The following USP11 variants were observed in gnomAD, a reference collection of about 807,000 sequenced individuals.
USP11 encodes the protein ubiquitin specific peptidase 11.
Under a neutral mutation model 72.8 loss-of-function variants are expected in USP11, and 5 were observed. The observed-to-expected ratio is 0.07, with a 90% confidence interval of 0.04 to 0.14. The LOEUF is 0.14. USP11 is among the 10% of genes least tolerant of loss of function. The pLI is 1.00. For missense variants in USP11, 480 were observed against 794.7 expected, an observed-to-expected ratio of 0.60 and a Z score of 4.76; for synonymous variants, 368 against 326.5, an observed-to-expected ratio of 1.13 and a Z score of -1.37.
Position 47,248,195 on chromosome X carries a change from T to G in USP11, c.*265T>G. The G allele has an allele frequency of 2.8e-6, 1 of 362,979 alleles. No individual in the cohort carries two copies. The highest frequency in any genetic ancestry group is 5.1e-5 in the East Asian group (1 of 19,661). The allele number at this position is 362,979 out of a possible 1,213,427, so 29.9% of individuals were successfully genotyped here. Reference sequence around the variant, plus strand: ...CTAGTCTTTATTTATGGTCGTGCCCTTCCCTCTCCTCAGCCCAGAGTGTTC... The same window carrying G: ...CTAGTCTTTATTTATGGTCGTGCCCGTCCCTCTCCTCAGCCCAGAGTGTTC... On this transcript the variant is annotated 3_prime_UTR_variant, in exon 21 of 21. Coordinates refer to ENST00000377107, the MANE Select transcript of USP11 (RefSeq NM_001371072.1).
rs2055408707 is a variant in USP11 at position 47,242,495 on chromosome X, C to T, written c.1461C>T (p.Ser487=). The change falls in exon 11 of 21, where the codon TCC becomes TCT. Residue 487 remains serine (S), a synonymous_variant. Coordinates refer to ENST00000377107, the MANE Select transcript of USP11 (RefSeq NM_001371072.1). ...TCTCGGATCTATGTGTGGCTCTGTCCAAACACACGGGCATCTCGCCAGAGA... is the reference window on the plus strand; with the variant it reads ...TCTCGGATCTATGTGTGGCTCTGTCTAAACACACGGGCATCTCGCCAGAGA... The part of the protein sequence containing the change: ...GKISDLCVAL[S]KHTGISPERM... 2 of 1,211,941 alleles carry T rather than the reference C, an allele frequency of 1.7e-6. No homozygotes were observed. Among genetic ancestry groups the T allele is most frequent in the South Asian group, 1.8e-5 (1 of 57,012 alleles).
chrX:47,239,484 A>AT lies in USP11; in HGVS notation c.417+4dup. 1 of 1,211,227 alleles carries AT rather than the reference A, an allele frequency of 8.3e-7. No homozygotes were observed. Among genetic ancestry groups the AT allele is most frequent in the Non-Finnish European group, 1.1e-6 (1 of 895,450 alleles). The stretch of plus-strand genomic sequence containing the variant: ...GCCAGCCACCCATTGAACGCAAGGT[A>AT]TAATGGATGGGGAGGGTGCATGGCG... On this transcript the variant is annotated splice_donor_region_variant and intron_variant, in intron 3 of 20. Transcript: ENST00000377107.
intron 12 of USP11, 41 bp from the exon 13 acceptor site, chrX:47,243,354 TG>T: frequency 8.3e-7 from 1 of 1,199,764 alleles, no homozygotes; most frequent in Non-Finnish European, 1.1e-6. Context: ...AGGGAGTCTC[TG>T]GGGGCCCTGA....
At position 47,242,108 on chromosome X, in the gene USP11, C is replaced by T. The variant is rs759579640; in HGVS notation, c.1206C>T (p.Asn402=). ...AGGTGGCACAGGAGGCATGGCAAAA[C>T]CACAAACGGCGGAACGATTCTGTGA... ...DQEVAQEAWQ[N]HKRRNDSVIV... The change falls in exon 10 of 21, where the codon AAC becomes AAT. Residue 402 remains asparagine (N), a synonymous_variant. Coordinates refer to ENST00000377107, the MANE Select transcript of USP11 (RefSeq NM_001371072.1). 26 of 1,209,237 alleles carry T rather than the reference C, an allele frequency of 2.2e-5. No homozygotes were observed. In the Admixed American group the frequency reaches 4.6e-4, roughly 21 times the overall value.
rs185214157 is a variant in USP11, at chrX:47,245,756, C to G, written c.2270+274C>G. Among the ~76,000 whole-genome samples the G allele has an allele frequency of 7.1e-3, 793 of 111,014 alleles. 3 individuals carry two copies. The highest frequency in any genetic ancestry group is 0.01 in the Admixed American group (110 of 10,495). ...AACAGGTTTTGCCACGTTGGCCAGG[C>G]TGGTCTCGAACTCCTGACTAAAGAT... is the stretch of plus-strand genomic sequence containing the variant. On this transcript the variant is annotated intron_variant, in intron 17 of 20. Transcript: ENST00000377107.
chrX:47,237,788 G>GTA (rs2055380687), intron 1 of USP11, among the ~76,000 whole-genome samples: 1 of 22,382 alleles, frequency 4.5e-5, no homozygotes, highest in South Asian at 9.2e-4. Context: ...GTGTGTGTAT[G>GTA]TGTGTGTGTG....
intron 1 of USP11, among the ~76,000 whole-genome samples, chrX:47,236,790 A>G (rs1033618944): frequency 8.9e-6 from 1 of 112,224 alleles, no homozygotes; most frequent in African/African-American, 3.2e-5. Flanking sequence ...AGAAAATTAA[A>G]ATTTATGATA....
chrX:47,245,008 AC>A lies in USP11; in HGVS notation c.2087-3del. The A allele has an allele frequency of 8.3e-7, 1 of 1,207,992 alleles. No homozygotes were observed. Among genetic ancestry groups the A allele is most frequent in the African/African-American group, 1.7e-5 (1 of 57,476 alleles). ...CAGGATCCATGACCACCTCTCCCTC[AC>A]CCCCAGCCCAGCCGTACATTGCTAT... is the stretch of plus-strand genomic sequence containing the variant. On this transcript the variant is annotated splice_polypyrimidine_tract_variant and splice_region_variant and intron_variant, in intron 15 of 20. Coordinates refer to ENST00000377107, the MANE Select transcript of USP11 (RefSeq NM_001371072.1).
intron 13 of USP11, 140 bp from the exon 14 acceptor site, chrX:47,244,358 C>T: frequency 1.5e-6 from 1 of 663,968 alleles, no homozygotes; most frequent in Non-Finnish European, 2.3e-6. Flanking sequence ...CGCGTCACCC[C>T]TTCAGCCCTC....
rs376591244 is a variant in USP11 at position 47,247,087 on chromosome X, C to T, written c.2286C>T (p.Cys762=). 8 of 1,208,632 alleles carry T rather than the reference C, an allele frequency of 6.6e-6. No individual in the cohort carries two copies. In the African/African-American group the frequency reaches 7.0e-5, roughly 11 times the overall value. ...EKENPWYCPS[C]KQHQLATKKL... ...CTGTCTGTAGGTACTGCCCTTCCTGCAAGCAGCACCAGCTGGCAACCAAGA... is the reference window on the plus strand; with the variant it reads ...CTGTCTGTAGGTACTGCCCTTCCTGTAAGCAGCACCAGCTGGCAACCAAGA... The change falls in exon 18 of 21, where the codon TGC becomes TGT. Residue 762 remains cysteine, a synonymous_variant. Coordinates refer to ENST00000377107, the MANE Select transcript of USP11 (RefSeq NM_001371072.1).
At chrX:47,242,761 T>C in intron 12 of USP11, 41 bp downstream of exon 12, 1 of 1,039,875 alleles carries the variant, frequency 9.6e-7, no homozygotes, top group Non-Finnish European at 1.4e-6. Context: ...CCTCAGGAAC[T>C]TGGTCCACTT....
intron 20 of USP11, 36 bp downstream of exon 20, chrX:47,247,735 T>C (rs1227962620): frequency 8.3e-7 from 1 of 1,209,887 alleles, no homozygotes; most frequent in South Asian, 1.8e-5. Context: ...CCTTCTTCCT[T>C]TCTGATTCCA....
At chrX:47,233,278 C>T (rs1335604720) in intron 1 of USP11, 59 bp downstream of exon 1, 254 of 869,300 alleles carry the variant, frequency 2.9e-4, no homozygotes, top group Non-Finnish European at 3.3e-4. Context: ...TTGACAACCG[C>T]TGGGGATTCG....
At position 47,244,737 on chromosome X, in the gene USP11, C is replaced by G; in HGVS notation, c.1899C>G (p.Leu633=). ...DVPGPSTGGS[L]RDPEPEQAGP... ...CTGGGCCCTCAACTGGGGGCAGCCT[C>G]CGAGACCCTGAGCCAGAGCAGGCTG... Residue 633 remains leucine (L), a synonymous_variant, in exon 15 of 21, where the codon CTC becomes CTG. Transcript: ENST00000377107. The G allele has an allele frequency of 8.3e-7, 1 of 1,209,944 alleles. No homozygotes were observed. Among genetic ancestry groups the G allele is most frequent in the Non-Finnish European group, 1.1e-6 (1 of 894,864 alleles).
At chrX:47,239,595 T>A (rs1032791371) in intron 3 of USP11, 114 bp downstream of exon 3, 43 of 1,084,702 alleles carry the variant, frequency 4.0e-5, no homozygotes, top group Non-Finnish European at 5.1e-5. Context: ...TCTGCTCTCT[T>A]CCCCCTCCTA....
At chrX:47,244,364 C>T (rs1200165817) in intron 13 of USP11, 134 bp from the exon 14 acceptor site, 5 of 693,074 alleles carry the variant, frequency 7.2e-6, no homozygotes, top group Non-Finnish European at 1.1e-5. Flanking sequence ...ACCCCTTCAG[C>T]CCTCTCACAC....
At chrX:47,238,487 CTTTT>C (rs57112058) in intron 1 of USP11, among the ~76,000 whole-genome samples, 2 of 44,314 alleles carry the variant, frequency 4.5e-5, no homozygotes, top group Non-Finnish European at 7.3e-5. Context: ...TGTGCCCGGT[CTTTT>C]TTTTTTTTTT....
rs753747546 is a variant in USP11, at chrX:47,247,612, C to T, written c.2538C>T (p.Tyr846=). Residue 846 remains tyrosine, a splice_region_variant and synonymous_variant, in exon 20 of 21, where the codon TAC becomes TAT. Coordinates refer to ENST00000377107, the MANE Select transcript of USP11 (RefSeq NM_001371072.1). ...NHYGGMRDGH[Y]TTFACNKDSG... The stretch of plus-strand genomic sequence containing the variant: ...AGGATAACTCTCCTTCCCTTTCAGA[C>T]ACAACATTTGCCTGCAACAAGGACA... The T allele has an allele frequency of 7.4e-6, 9 of 1,211,287 alleles. No individual in the cohort carries two copies. In the Admixed American group the frequency reaches 1.1e-4, roughly 15 times the overall value.
rs781237560 is a variant in USP11, at chrX:47,245,009, C to T, written c.2087-7C>T. ...AGGATCCATGACCACCTCTCCCTCA[C>T]CCCCAGCCCAGCCGTACATTGCTAT... is the stretch of plus-strand genomic sequence containing the variant. On this transcript the variant is annotated splice_region_variant and splice_polypyrimidine_tract_variant and intron_variant, in intron 15 of 20. Coordinates refer to ENST00000377107, the MANE Select transcript of USP11 (RefSeq NM_001371072.1). 9.9e-6 allele frequency: 12 copies of T among 1,211,682 alleles called. No individual in the cohort carries two copies. The highest frequency in any genetic ancestry group is 1.3e-5 in the Non-Finnish European group (12 of 895,369).
Sources: allele counts gnomAD v4.1 joint callset (sites outside exome capture counted in the v4.1 genomes callset), GRCh38; gene constraint gnomAD v4.1.1; transcripts MANE v1.5; gene names NCBI Gene and HGNC (gene_info 2026-07-23, HGNC 2026-07-21).